Variants in XG observed in about 807,000 individuals in gnomAD.
The protein encoded by XG is Xg glycoprotein (Xg blood group), also known as glycoprotein Xg.
Under a neutral mutation model 25.7 loss-of-function variants are expected in XG, and 24 were observed. That is an observed-to-expected ratio of 0.93 (90% CI 0.68 to 1.31). The LOEUF (loss-of-function observed/expected upper bound fraction) is 1.31, where lower values mean the gene tolerates loss of function less well. Ranked by LOEUF, XG falls within the 40% of genes most tolerant of loss-of-function variation. XG has a pLI of 0.00. For synonymous variants in XG, 77 were observed against 69.2 expected (o/e 1.11, Z -0.56); for missense variants, 181 against 187.6 (o/e 0.96, Z 0.21).
intron 3 of XG, chrX:2,774,974 C>T: frequency 1.7e-6 from 1 of 575,004 alleles, no homozygotes; most frequent in Non-Finnish European, 3.2e-6. Flanking sequence ...TGGAAAATAA[C>T]AAGTGTTGGC....
intron 2 of XG, among the ~76,000 whole-genome samples, chrX:2,771,833 A>G (rs973208369): frequency 2.6e-5 from 4 of 152,198 alleles, no homozygotes; most frequent in Non-Finnish European, 4.4e-5. Context: ...GTTTTTGCTA[A>G]TAATTATCCT....
intron 1 of XG, among the ~76,000 whole-genome samples, chrX:2,761,832 C>T (rs2050572389): frequency 6.6e-6 from 1 of 152,186 alleles, no homozygotes; most frequent in Admixed American, 6.5e-5. Flanking sequence ...CTGCCCACAC[C>T]TTGATCTCAG....
intron 2 of XG, among the ~76,000 whole-genome samples, chrX:2,773,023 A>T (rs2857321): frequency 1.4e-5 from 2 of 143,428 alleles, no homozygotes; most frequent in East Asian, 4.4e-4. Context: ...TTTAAAAAAT[A>T]GTTATAATTT....
At chrX:2,775,490 C>G (rs961728038) in intron 3 of XG, among the ~76,000 whole-genome samples, 3 of 152,152 alleles carry the variant, frequency 2.0e-5, no homozygotes, top group Admixed American at 6.5e-5. Context: ...GAGAGAGTGA[C>G]TGCTTGATAA....
intron 1 of XG, among the ~76,000 whole-genome samples, chrX:2,763,340 G>C (rs2050606005): frequency 6.6e-6 from 1 of 152,144 alleles, no homozygotes; most frequent in African/African-American, 2.4e-5. Flanking sequence ...ATATGGCCCT[G>C]AGTTGATTTT....
intron 1 of XG, among the ~76,000 whole-genome samples, chrX:2,762,796 G>A (rs1395925643): frequency 6.6e-5 from 10 of 152,096 alleles, no homozygotes; most frequent in Admixed American, 6.6e-5. Flanking sequence ...CTGGGAGAGA[G>A]TGAGATGGAG....
chrX:2,766,576 TTTTTTC>T (rs2050696930), intron 1 of XG, among the ~76,000 whole-genome samples: 2 of 146,394 alleles, frequency 1.4e-5, no homozygotes, highest in South Asian at 2.3e-4. Flanking sequence ...TTTTTTTTTT[TTTTTTC>T]AAGACAGATT....
intron 9 of XG, among the ~76,000 whole-genome samples, chrX:2,808,782 C>T (rs1190035319): frequency 1.8e-5 from 2 of 111,010 alleles, no homozygotes; most frequent in African/African-American, 6.6e-5. Flanking sequence ...CGCACTCAAC[C>T]CCAAGGCTCT....
chrX:2,789,224 C>G (rs1387211709), intron 4 of XG, among the ~76,000 whole-genome samples: 1 of 111,409 alleles, frequency 9.0e-6, no homozygotes, highest in Non-Finnish European at 1.9e-5. Context: ...GAGCAAGACT[C>G]TGTCTCAAAA....
At chrX:2,813,550 A>G (rs1423374467) in intron 10 of XG, among the ~76,000 whole-genome samples, 4 of 112,245 alleles carry the variant, frequency 3.6e-5, no homozygotes, top group Non-Finnish European at 5.6e-5. Flanking sequence ...TATACTAACC[A>G]TATCCATGGT....
intron 1 of XG, among the ~76,000 whole-genome samples, chrX:2,753,279 A>G (rs764353844): frequency 1.3e-5 from 2 of 152,272 alleles, no homozygotes; most frequent in South Asian, 4.1e-4. Flanking sequence ...TTCAGATCTC[A>G]CCTAGTAAGT....
chrX:2,772,022 T>C (rs192753997), intron 2 of XG, among the ~76,000 whole-genome samples: 78 of 152,140 alleles, frequency 5.1e-4, no homozygotes, highest in Non-Finnish European at 1.0e-3. Flanking sequence ...TTTGGAAGCA[T>C]TGGGGGATTA....
At chrX:2,789,966 C>A (rs2086822109) in intron 5 of XG, among the ~76,000 whole-genome samples, 1 of 110,682 alleles carries the variant, frequency 9.0e-6, no homozygotes, top group South Asian at 3.9e-4. Context: ...AATCTTCCTC[C>A]CTCAGCCTTT....
chrX:2,764,013 G>A (rs1403968903), intron 1 of XG, among the ~76,000 whole-genome samples: 1 of 152,170 alleles, frequency 6.6e-6, no homozygotes, highest in African/African-American at 2.4e-5. Context: ...GGATGAGATA[G>A]GAGGTTGACA....
At chrX:2,763,267 G>A (rs1297951337) in intron 1 of XG, among the ~76,000 whole-genome samples, 1 of 152,108 alleles carries the variant, frequency 6.6e-6, no homozygotes, top group Non-Finnish European at 1.5e-5. Context: ...GCCTGCCCTG[G>A]CCTCCCAAAG....
chrX:2,779,739 C>T (rs142615318), intron 3 of XG, among the ~76,000 whole-genome samples: 1,611 of 152,228 alleles, frequency 0.011, 12 homozygotes, highest in Middle Eastern at 0.024. Context: ...CTCCACCTCC[C>T]GGGTTCAAGA....
Position 2,807,542 on chromosome X carries a change from G to C in XG, c.419-643G>C, listed in dbSNP as rs2087013131. 3.7e-5 allele frequency among the ~76,000 whole-genome samples: 4 copies of C among 109,113 alleles called. No homozygotes were observed. In the South Asian group the frequency reaches 1.6e-3, roughly 43 times the overall value. 94.8% of individuals were successfully genotyped at this position (109,113 alleles called of 115,157 possible). The stretch of plus-strand genomic sequence containing the variant: ...TCGGTGTGTGCATGTGCACACATGT[G>C]TACATGTGTATGTTTAGGCGAATTG... On this transcript the variant is annotated intron_variant, in intron 8 of 10. Transcript: ENST00000644266.
chrX:2,773,157 CAGGG>C (rs201851466), intron 2 of XG, among the ~76,000 whole-genome samples: 2 of 141,608 alleles, frequency 1.4e-5, no homozygotes, highest in South Asian at 4.5e-4. Flanking sequence ...CAGAGGAAAA[CAGGG>C]AGGGAGGGAG....
intron 4 of XG, among the ~76,000 whole-genome samples, chrX:2,783,971 C>G (rs2147062765): frequency 9.0e-6 from 1 of 110,807 alleles, no homozygotes; most frequent in East Asian, 2.9e-4. Context: ...GAGATTCTGT[C>G]TCGAAAAACC....
Sources: gnomAD v4.1 joint callset for allele counts (sites outside exome capture counted in the v4.1 genomes callset) on GRCh38, gnomAD v4.1.1 for gene constraint, MANE v1.5 for transcripts, NCBI Gene and HGNC (gene_info 2026-07-23, HGNC 2026-07-21) for gene names.